The following COG5 variants were observed in gnomAD, a reference collection of about 807,000 sequenced individuals.
COG5 encodes the protein conserved oligomeric Golgi complex subunit 5.
COG5 carries 86 observed loss-of-function variants against 110.4 expected under a neutral mutation model. That is an observed-to-expected ratio of 0.78 (90% CI 0.65 to 0.93). COG5 has a LOEUF of 0.93. COG5 is among the 40% of genes least tolerant of loss of function. The pLI is 0.00. For synonymous variants in COG5, 360 were observed against 334.6 expected (o/e 1.08, Z -0.83); for missense variants, 1,077 against 987.0 (o/e 1.09, Z -1.22).
intron 6 of COG5, 68 bp downstream of exon 6, chr7:107,527,169 C>A: frequency 1.4e-6 from 2 of 1,402,548 alleles, no homozygotes; most frequent in Non-Finnish European, 1.9e-6. Flanking sequence ...CAAAAGTCAA[C>A]CAATCAAGTG....
intron 11 of COG5, among the ~76,000 whole-genome samples, chr7:107,318,844 T>C (rs1455448280): frequency 6.6e-6 from 1 of 152,242 alleles, no homozygotes; most frequent in African/African-American, 2.4e-5. Flanking sequence ...AGGGCTTCAG[T>C]GTATGAATTG....
rs775492822 is a variant in COG5, at chr7:107,563,868, A to C, written c.29T>G (p.Val10Gly). Residue 10 changes from valine to glycine, a missense_variant, in exon 1 of 22, where the codon GTA becomes GGA. Physicochemically the swap from Val to Gly is moderately radical, Grantham distance 109. Coordinates refer to ENST00000297135, the MANE Select transcript of COG5 (RefSeq NM_006348.5). ...AGAGCCTCGAGCTCCGAGGCCAGCT[A>C]CAGCGACGCTGCCGCCGCCACCTTC... MEGGGGSVA[V>G]AGLGARGSGA... The C allele has an allele frequency of 6.8e-6, 11 of 1,613,498 alleles. No individual in the cohort carries two copies. The highest frequency in any genetic ancestry group is 8.5e-6 in the Non-Finnish European group (10 of 1,179,948).
intron 12 of COG5, among the ~76,000 whole-genome samples, chr7:107,284,981 T>G (rs1490372886): frequency 1.3e-5 from 2 of 152,220 alleles, no homozygotes; most frequent in African/African-American, 4.8e-5. Context: ...CTCACCCTTC[T>G]GGTCCACTGA....
intron 7 of COG5, among the ~76,000 whole-genome samples, chr7:107,400,314 ACT>A (rs1791333986): frequency 1.5e-5 from 2 of 131,082 alleles, no homozygotes; most frequent in African/African-American, 6.4e-5. Context: ...ACACTGTATA[ACT>A]CTAATTATGT....
chr7:107,357,012 C>T (rs1030626084), intron 10 of COG5, among the ~76,000 whole-genome samples: 18 of 152,012 alleles, frequency 1.2e-4, no homozygotes, highest in Admixed American at 1.2e-3. Context: ...AGAGATATAT[C>T]GTTGTCTACT....
intron 6 of COG5, among the ~76,000 whole-genome samples, chr7:107,444,457 C>T (rs1043195247): frequency 6.6e-6 from 1 of 152,188 alleles, no homozygotes; most frequent in African/African-American, 2.4e-5. Flanking sequence ...AAGATACCTG[C>T]AGTTTTCTTA....
intron 6 of COG5, among the ~76,000 whole-genome samples, chr7:107,453,028 T>C (rs1428917757): frequency 6.6e-6 from 1 of 152,242 alleles, no homozygotes; most frequent in Non-Finnish European, 1.5e-5. Flanking sequence ...TATCATAGTG[T>C]ATTCATCTGC....
At chr7:107,323,554 C>T (rs181713284) in intron 11 of COG5, among the ~76,000 whole-genome samples, 13 of 152,128 alleles carry the variant, frequency 8.5e-5, no homozygotes, top group South Asian at 6.2e-4. Flanking sequence ...CAAAAGAAAA[C>T]GAAACACTAC....
chr7:107,542,070 G>A (rs777699239), intron 5 of COG5, among the ~76,000 whole-genome samples: 5 of 151,910 alleles, frequency 3.3e-5, no homozygotes, highest in East Asian at 3.9e-4. Context: ...AAAACAATAC[G>A]TGCTTTTGAA....
At chr7:107,292,043 A>G (rs1009904524) in intron 12 of COG5, among the ~76,000 whole-genome samples, 8 of 149,786 alleles carry the variant, frequency 5.3e-5, no homozygotes, top group African/African-American at 2.0e-4. Context: ...TTCTTTTTCT[A>G]TTTCCTTCTT....
chr7:107,393,882 C>G (rs545373224), intron 7 of COG5, among the ~76,000 whole-genome samples: 2 of 152,138 alleles, frequency 1.3e-5, no homozygotes, highest in African/African-American at 4.8e-5. Context: ...ACAAATCAAT[C>G]TTCTATGAAA....
intron 5 of COG5, among the ~76,000 whole-genome samples, chr7:107,535,854 C>A (rs1387378047): frequency 1.3e-5 from 2 of 151,706 alleles, no homozygotes; most frequent in Admixed American, 1.3e-4. Context: ...AGAGACACAA[C>A]ATAAAAAATT....
At chr7:107,360,462 G>A (rs1813008987) in intron 10 of COG5, among the ~76,000 whole-genome samples, 1 of 152,174 alleles carries the variant, frequency 6.6e-6, no homozygotes, top group Admixed American at 6.5e-5. Flanking sequence ...CACATTCTGG[G>A]CAACAAGAAG....
At chr7:107,227,523 C>G (rs1241942543) in intron 19 of COG5, among the ~76,000 whole-genome samples, 2 of 152,138 alleles carry the variant, frequency 1.3e-5, no homozygotes, top group African/African-American at 4.8e-5. Context: ...GATTCTTTCT[C>G]TCATGTGAGA....
intron 8 of COG5, 71 bp downstream of exon 8, chr7:107,372,524 T>C: frequency 6.9e-7 from 1 of 1,459,170 alleles, no homozygotes; most frequent in Admixed American, 1.7e-5. Flanking sequence ...AACATGAGTG[T>C]TTCACATACT....
chr7:107,263,617 T>C (rs1399085259), intron 14 of COG5, among the ~76,000 whole-genome samples: 1 of 152,136 alleles, frequency 6.6e-6, no homozygotes, highest in Non-Finnish European at 1.5e-5. Context: ...GGAATCCAAA[T>C]GCTAAACAAA....
intron 14 of COG5, among the ~76,000 whole-genome samples, chr7:107,275,159 A>G (rs563025619): frequency 9.2e-5 from 14 of 152,206 alleles, no homozygotes; most frequent in African/African-American, 3.4e-4. Flanking sequence ...GAGGTAACAA[A>G]AAGTGCCAGG....
chr7:107,471,073 T>C (rs149448708), intron 6 of COG5, among the ~76,000 whole-genome samples: 10 of 152,150 alleles, frequency 6.6e-5, no homozygotes, highest in Admixed American at 2.0e-4. Context: ...TCTCTGAAAA[T>C]ACAGGTTAGC....
chr7:107,284,943 T>C (rs1051124884), intron 12 of COG5, among the ~76,000 whole-genome samples: 5 of 152,204 alleles, frequency 3.3e-5, no homozygotes, highest in African/African-American at 7.2e-5. Context: ...TGCTCCTTCA[T>C]GTATATGAAA....
Sources: allele counts gnomAD v4.1 joint callset (sites outside exome capture counted in the v4.1 genomes callset), GRCh38; gene constraint gnomAD v4.1.1; transcripts MANE v1.5; gene names NCBI Gene and HGNC (gene_info 2026-07-23, HGNC 2026-07-21).